Variants in DPYD observed in about 807,000 individuals in gnomAD.
The protein encoded by DPYD is dihydropyrimidine dehydrogenase.
DPYD carries 109 observed loss-of-function variants against 116.2 expected under a neutral mutation model. The observed-to-expected ratio is 0.94, with a 90% CI of 0.80 to 1.10. The LOEUF is 1.10. DPYD is among the 50% of genes least tolerant of loss of function. The pLI is 0.00. For synonymous variants in DPYD, 440 were observed against 432.0 expected, an observed-to-expected ratio of 1.02 and a Z score of -0.23; for missense variants, 1,302 against 1,254.5, an observed-to-expected ratio of 1.04 and a Z score of -0.57.
intron 21 of DPYD, among the ~76,000 whole-genome samples, chr1:97,097,584 C>T (rs1557860902): frequency 6.6e-6 from 1 of 152,042 alleles, no homozygotes; most frequent in Non-Finnish European, 1.5e-5. Context: ...ATTATGACTG[C>T]TTGGAAACAA....
rs1293413878 is a variant in DPYD, at chr1:97,201,443, A to G, written c.2443-8195T>C. 3.9e-5 allele frequency among the ~76,000 whole-genome samples: 6 copies of G among 152,330 alleles called. No individual in the cohort carries two copies. The East Asian group carries it at 1.2e-3, about 29-fold the overall frequency. ...TACATTGTACTTTAAAAATGGATGT[A>G]CAATACATATAGATAAGGTAAGAAT... On this transcript the variant is annotated intron_variant, in intron 19 of 22. Coordinates refer to ENST00000370192, the MANE Select transcript of DPYD (RefSeq NM_000110.4).
intron 14 of DPYD, among the ~76,000 whole-genome samples, chr1:97,414,572 T>C (rs1674186433): frequency 6.6e-6 from 1 of 152,222 alleles, no homozygotes; most frequent in Admixed American, 6.5e-5. Flanking sequence ...TAACTATAAA[T>C]GTAGGAAGCT....
At chr1:97,624,183 A>T (rs1304245697) in intron 8 of DPYD, among the ~76,000 whole-genome samples, 1 of 152,040 alleles carries the variant, frequency 6.6e-6, no homozygotes, top group African/African-American at 2.4e-5. Flanking sequence ...AACAGTGTGT[A>T]GAGACAACTT....
chr1:97,825,851 A>G (rs1007526878), intron 3 of DPYD, among the ~76,000 whole-genome samples: 3 of 152,182 alleles, frequency 2.0e-5, no homozygotes, highest in Non-Finnish European at 4.4e-5. Context: ...AGAAGCTACC[A>G]TGAAATATTC....
At chr1:97,179,894 CCAAA>C (rs1442544606) in intron 20 of DPYD, among the ~76,000 whole-genome samples, 4 of 152,030 alleles carry the variant, frequency 2.6e-5, no homozygotes, top group East Asian at 3.9e-4. Context: ...ATATGGGTAA[CCAAA>C]CAGAGTAACC....
chr1:97,504,871 T>C (rs1647203871), intron 13 of DPYD, among the ~76,000 whole-genome samples: 1 of 145,338 alleles, frequency 6.9e-6, no homozygotes. Context: ...CTCCAAAGGC[T>C]TCCATTCAGG....
chr1:97,892,189 A>G (rs928763384), intron 1 of DPYD, among the ~76,000 whole-genome samples: 2 of 152,000 alleles, frequency 1.3e-5, no homozygotes, highest in South Asian at 2.1e-4. Context: ...ATTTTTTATC[A>G]ATAAATATTC....
chr1:97,152,842 G>A (rs1655134860), intron 20 of DPYD, among the ~76,000 whole-genome samples: 1 of 152,020 alleles, frequency 6.6e-6, no homozygotes, highest in Non-Finnish European at 1.5e-5. Context: ...TTTTCCCACT[G>A]ATAAAGTAGA....
intron 20 of DPYD, among the ~76,000 whole-genome samples, chr1:97,173,177 T>C (rs1053829496): frequency 6.6e-6 from 1 of 150,930 alleles, no homozygotes; most frequent in African/African-American, 2.4e-5. Context: ...TGTACACATG[T>C]ATACATATAT....
intron 8 of DPYD, among the ~76,000 whole-genome samples, chr1:97,635,247 G>A (rs1232383527): frequency 3.9e-5 from 6 of 152,122 alleles, no homozygotes; most frequent in South Asian, 4.2e-4. Context: ...CCTCAAGCCC[G>A]CACCTTCCTT....
intron 13 of DPYD, among the ~76,000 whole-genome samples, chr1:97,503,047 G>A (rs778612594): frequency 3.9e-5 from 6 of 151,932 alleles, no homozygotes; most frequent in Non-Finnish European, 7.4e-5. Context: ...ATAATAACTA[G>A]TATGATTCAC....
intron 11 of DPYD, among the ~76,000 whole-genome samples, chr1:97,563,448 C>T (rs564243677): frequency 3.9e-5 from 6 of 152,258 alleles, no homozygotes; most frequent in Non-Finnish European, 7.4e-5. Flanking sequence ...TTCTCTGAAA[C>T]AATTACGTTA....
chr1:97,217,920 T>G (rs1250325651), intron 19 of DPYD, among the ~76,000 whole-genome samples: 3 of 152,240 alleles, frequency 2.0e-5, no homozygotes, highest in Non-Finnish European at 4.4e-5. Context: ...AAATATCATT[T>G]CTGTCTTATT....
intron 8 of DPYD, among the ~76,000 whole-genome samples, chr1:97,656,003 C>T (rs1197286324): frequency 3.3e-5 from 5 of 152,100 alleles, no homozygotes; most frequent in African/African-American, 4.8e-5. Context: ...GAAATAAAGG[C>T]TTAGAAGACA....
intron 18 of DPYD, among the ~76,000 whole-genome samples, chr1:97,244,811 TGAGG>T (rs1662602312): frequency 6.6e-6 from 1 of 152,060 alleles, no homozygotes; most frequent in Non-Finnish European, 1.5e-5. Flanking sequence ...GTAGAGTTAT[TGAGG>T]AAACGCACAA....
At chr1:97,769,323 G>C (rs1364541628) in intron 3 of DPYD, among the ~76,000 whole-genome samples, 2 of 152,090 alleles carry the variant, frequency 1.3e-5, no homozygotes, top group African/African-American at 4.8e-5. Context: ...CAACAAGGTG[G>C]TAACAGGCTT....
In DPYD at chr1:97,575,850, C is replaced by T. The variant is rs555298655; in HGVS notation, c.1129-1880G>A. On this transcript the variant is annotated intron_variant, in intron 10 of 22. Transcript: ENST00000370192. ...TAAAACAACTCCAAAATGTAAAATG[C>T]CTAAAGCAGAATTTAGCATATAGAA... Among the ~76,000 whole-genome samples the T allele has an allele frequency of 2.6e-5, 4 of 152,170 alleles. No homozygotes were observed. In the South Asian group the frequency reaches 8.3e-4, roughly 32 times the overall value.
intron 3 of DPYD, among the ~76,000 whole-genome samples, chr1:97,766,151 G>C (rs1156792400): frequency 6.6e-6 from 1 of 152,092 alleles, no homozygotes; most frequent in Non-Finnish European, 1.5e-5. Flanking sequence ...TGAGGCAGGA[G>C]AATTGCTTGA....
chr1:97,854,751 T>C (rs932463923), intron 2 of DPYD, among the ~76,000 whole-genome samples: 3 of 152,124 alleles, frequency 2.0e-5, no homozygotes, highest in Non-Finnish European at 4.4e-5. Flanking sequence ...ACCCCCTGCT[T>C]ATGTACATTC....
Sources: allele counts gnomAD v4.1 joint callset (sites outside exome capture counted in the v4.1 genomes callset), GRCh38; gene constraint gnomAD v4.1.1; transcripts MANE v1.5; gene names NCBI Gene and HGNC (gene_info 2026-07-23, HGNC 2026-07-21).